The following HCN1 variants were observed in gnomAD, a reference collection of about 807,000 sequenced individuals.
The protein encoded by HCN1 is hyperpolarization activated cyclic nucleotide gated potassium channel 1.
Under a neutral mutation model 78.9 loss-of-function variants are expected in HCN1, and 13 were observed. The ratio of observed to expected loss-of-function variants is 0.16; its 90% CI spans 0.11 to 0.26. HCN1 has a LOEUF of 0.26. HCN1 is among the 10% of genes least tolerant of loss of function. The pLI is 1.00. For synonymous variants in HCN1, 552 were observed against 455.5 expected (o/e 1.21, Z -2.70); for missense variants, 810 against 1,154.3 (o/e 0.70, Z 4.32).
At chr5:45,687,351 T>A (rs1366276078) in intron 1 of HCN1, among the ~76,000 whole-genome samples, 1 of 152,144 alleles carries the variant, frequency 6.6e-6, no homozygotes, top group African/African-American at 2.4e-5. Context: ...ATATGTCCAT[T>A]TTCACTTTTT....
chr5:45,568,337 G>A (rs1182060771), intron 2 of HCN1, among the ~76,000 whole-genome samples: 1 of 151,620 alleles, frequency 6.6e-6, no homozygotes, highest in African/African-American at 2.4e-5. Context: ...AGATGATTCA[G>A]AAAAGCTACA....
chr5:45,337,449 T>C (rs1292359735), intron 5 of HCN1, among the ~76,000 whole-genome samples: 1 of 152,138 alleles, frequency 6.6e-6, no homozygotes, highest in Non-Finnish European at 1.5e-5. Context: ...CTTATCCATA[T>C]AAGCACAAGC....
intron 5 of HCN1, among the ~76,000 whole-genome samples, chr5:45,331,418 A>G (rs1441744753): frequency 6.6e-6 from 1 of 151,358 alleles, no homozygotes; most frequent in Non-Finnish European, 1.5e-5. Flanking sequence ...CATTATAGGT[A>G]TATAAATCCT....
intron 2 of HCN1, chr5:45,644,331 C>G (rs1307218193): frequency 6.6e-6 from 1 of 151,958 alleles, no homozygotes; most frequent in Non-Finnish European, 1.5e-5. Flanking sequence ...ATAATTAATA[C>G]AAAAAGACTT....
chr5:45,555,968 T>A (rs1030841491), intron 2 of HCN1, among the ~76,000 whole-genome samples: 2 of 152,008 alleles, frequency 1.3e-5, no homozygotes, highest in African/African-American at 4.8e-5. Context: ...AAAGACAGTC[T>A]CTTCAATAAA....
intron 4 of HCN1, among the ~76,000 whole-genome samples, chr5:45,369,698 T>A (rs1163565434): frequency 6.6e-6 from 1 of 152,124 alleles, no homozygotes; most frequent in Non-Finnish European, 1.5e-5. Context: ...ATTTGACAAG[T>A]GACATTAGTA....
chr5:45,310,439 G>A (rs1745827507), intron 5 of HCN1, among the ~76,000 whole-genome samples: 1 of 152,094 alleles, frequency 6.6e-6, no homozygotes, highest in Non-Finnish European at 1.5e-5. Flanking sequence ...GATCATTAAA[G>A]ACATGTAAAT....
chr5:45,550,860 C>T (rs962641239), intron 2 of HCN1, among the ~76,000 whole-genome samples: 15 of 151,904 alleles, frequency 9.9e-5, no homozygotes, highest in Non-Finnish European at 2.1e-4. Flanking sequence ...GTATAAAACT[C>T]ATTTGTATAT....
At chr5:45,580,774 T>G (rs1744050398) in intron 2 of HCN1, among the ~76,000 whole-genome samples, 1 of 152,040 alleles carries the variant, frequency 6.6e-6, no homozygotes, top group African/African-American at 2.4e-5. Flanking sequence ...CACCTATGAG[T>G]GAGAACATGC....
intron 2 of HCN1, among the ~76,000 whole-genome samples, chr5:45,531,425 T>A (rs1331197445): frequency 6.6e-6 from 1 of 152,118 alleles, no homozygotes; most frequent in Non-Finnish European, 1.5e-5. Context: ...CATTATTGAG[T>A]CTTTGTAATG....
intron 1 of HCN1, among the ~76,000 whole-genome samples, chr5:45,683,274 G>GA (rs1739739573): frequency 6.6e-6 from 1 of 151,640 alleles, no homozygotes; most frequent in South Asian, 2.1e-4. Flanking sequence ...TATGTTTTTA[G>GA]TTTTTTTAGT....
At chr5:45,687,255 T>C (rs1055937330) in intron 1 of HCN1, among the ~76,000 whole-genome samples, 1 of 152,200 alleles carries the variant, frequency 6.6e-6, no homozygotes, top group Non-Finnish European at 1.5e-5. Context: ...TCTTTCATGA[T>C]GCTAAGTATT....
At chr5:45,312,345 C>T (rs375933084) in intron 5 of HCN1, among the ~76,000 whole-genome samples, 15 of 152,106 alleles carry the variant, frequency 9.9e-5, no homozygotes, top group Non-Finnish European at 1.6e-4. Flanking sequence ...TTGGTTGACA[C>T]GATGTCTATT....
intron 1 of HCN1, among the ~76,000 whole-genome samples, chr5:45,670,478 AT>A (rs1746129409): frequency 6.6e-6 from 1 of 151,728 alleles, no homozygotes; most frequent in South Asian, 2.1e-4. Flanking sequence ...GGATGTAGGC[AT>A]TTTAGTTCCC....
chr5:45,518,602 T>C lies in HCN1; in HGVS notation c.850-56595A>G, dbSNP rs563906471. Among the ~76,000 whole-genome samples the C allele has an allele frequency of 9.9e-5, 15 of 152,046 alleles. 1 individual carries two copies. In the South Asian group the frequency reaches 2.9e-3, roughly 29 times the overall value. Reference sequence around the variant, plus strand: ...AACGACGTAAATACTGTGACCCTGATAGAAGAGACCATTTGATGGACAATC... The same window carrying C: ...AACGACGTAAATACTGTGACCCTGACAGAAGAGACCATTTGATGGACAATC... On this transcript the variant is annotated intron_variant, in intron 2 of 7. Coordinates refer to ENST00000303230, the MANE Select transcript of HCN1 (RefSeq NM_021072.4).
At chr5:45,550,776 A>C (rs1261516479) in intron 2 of HCN1, among the ~76,000 whole-genome samples, 1 of 152,070 alleles carries the variant, frequency 6.6e-6, no homozygotes, top group Admixed American at 6.6e-5. Context: ...CATCTTCAAA[A>C]AGCATATTTA....
chr5:45,355,348 C>A (rs530379575), intron 4 of HCN1, among the ~76,000 whole-genome samples: 2 of 151,830 alleles, frequency 1.3e-5, no homozygotes, highest in African/African-American at 4.8e-5. Context: ...GCCAAACCAC[C>A]AATAGCACTT....
intron 2 of HCN1, among the ~76,000 whole-genome samples, chr5:45,473,821 C>T (rs1230375525): frequency 6.6e-6 from 1 of 151,844 alleles, no homozygotes; most frequent in Non-Finnish European, 1.5e-5. Context: ...AACTTTTAAA[C>T]ATCTTGTAAC....
chr5:45,486,175 A>G (rs1233216217), intron 2 of HCN1, among the ~76,000 whole-genome samples: 1 of 152,126 alleles, frequency 6.6e-6, no homozygotes, highest in African/African-American at 2.4e-5. Context: ...TTCTTGTTGA[A>G]AGCCATATCA....
Sources: allele counts gnomAD v4.1 joint callset (sites outside exome capture counted in the v4.1 genomes callset), GRCh38; gene constraint gnomAD v4.1.1; transcripts MANE v1.5; gene names NCBI Gene and HGNC (gene_info 2026-07-23, HGNC 2026-07-21).